The following DNAJC3 variants were observed in gnomAD, a reference collection of about 807,000 sequenced individuals.
DNAJC3 encodes the protein DnaJ heat shock protein family (Hsp40) member C3.
A neutral mutation model predicts 68.6 loss-of-function variants in DNAJC3; 38 were observed. The observed-to-expected ratio is 0.55, with a 90% CI of 0.43 to 0.73. The LOEUF is 0.73. DNAJC3 is among the 30% of genes least tolerant of loss of function. The pLI is 0.00. For synonymous variants in DNAJC3, 203 were observed against 204.0 expected (o/e 1.00, Z 0.04); for missense variants, 526 against 591.9 (o/e 0.89, Z 1.16).
At chr13:95,784,388 G>A (rs1883535942) in intron 9 of DNAJC3, among the ~76,000 whole-genome samples, 1 of 152,112 alleles carries the variant, frequency 6.6e-6, no homozygotes, top group African/African-American at 2.4e-5. Flanking sequence ...GTGAAAATCT[G>A]GAGGAAACCA....
chr13:95,793,668 T>TA lies in DNAJC3; in HGVS notation c.*2639dup, dbSNP rs1883866528. 6.6e-6 allele frequency: 1 copy of TA among 152,386 alleles called. No individual in the cohort carries two copies. Among genetic ancestry groups the TA allele is most frequent in the African/African-American group, 2.4e-5 (1 of 41,412 alleles). The allele number at this position is 152,386 out of a possible 1,614,324, so 9.4% of individuals were successfully genotyped here. A position where few individuals can be genotyped will look rare whatever the true frequency, so the allele number is the denominator to read the frequency against. Reference sequence around the variant, plus strand: ...TAGTAGAAATGGGGTTTCACTGTGTTAGCCAGGATGGTCTTGATCTCCTGA... The same window carrying TA: ...TAGTAGAAATGGGGTTTCACTGTGTTAAGCCAGGATGGTCTTGATCTCCTGA... On this transcript the variant is annotated 3_prime_UTR_variant, in exon 12 of 12. Coordinates refer to ENST00000602402, the MANE Select transcript of DNAJC3 (RefSeq NM_006260.5).
chr13:95,711,341 A>G (rs535915825), intron 2 of DNAJC3, among the ~76,000 whole-genome samples: 1 of 152,294 alleles, frequency 6.6e-6, no homozygotes, highest in Non-Finnish European at 1.5e-5. Flanking sequence ...TACTAAAAAT[A>G]TAAAAATTAG....
chr13:95,699,241 T>C (rs560976213), intron 1 of DNAJC3, among the ~76,000 whole-genome samples: 1 of 152,354 alleles, frequency 6.6e-6, no homozygotes, highest in South Asian at 2.1e-4. Flanking sequence ...TATTATCATA[T>C]AATTAAATGG....
intron 4 of DNAJC3, among the ~76,000 whole-genome samples, chr13:95,726,967 A>G (rs534808855): frequency 1.4e-4 from 21 of 152,336 alleles, no homozygotes; most frequent in African/African-American, 4.8e-4. Flanking sequence ...TCTCAATAAA[A>G]TCGGCTGTCA....
At chr13:95,679,604 A>G (rs1254116583) in intron 1 of DNAJC3, among the ~76,000 whole-genome samples, 1 of 152,188 alleles carries the variant, frequency 6.6e-6, no homozygotes, top group Non-Finnish European at 1.5e-5. Flanking sequence ...AAATGGTGCT[A>G]CTGCTAGGCC....
intron 1 of DNAJC3, 73 bp downstream of exon 1, chr13:95,677,410 G>A: frequency 6.8e-7 from 1 of 1,468,238 alleles, no homozygotes; most frequent in Non-Finnish European, 9.2e-7. Context: ...GTCTGCGCCC[G>A]GGCGCCTGTC....
intron 2 of DNAJC3, among the ~76,000 whole-genome samples, chr13:95,710,007 A>G (rs543058541): frequency 6.6e-6 from 1 of 152,212 alleles, no homozygotes; most frequent in East Asian, 1.9e-4. Flanking sequence ...GGTTTTCAAT[A>G]TGTTCACTTG....
intron 4 of DNAJC3, among the ~76,000 whole-genome samples, chr13:95,750,127 C>T (rs1028192339): frequency 8.5e-5 from 13 of 152,108 alleles, no homozygotes; most frequent in East Asian, 5.8e-4. Context: ...TCCAATCGAA[C>T]GCCTAAATGG....
At chr13:95,788,681 T>TTAAG (rs753671914) in intron 11 of DNAJC3, among the ~76,000 whole-genome samples, 1 of 152,210 alleles carries the variant, frequency 6.6e-6, no homozygotes, top group Non-Finnish European at 1.5e-5. Flanking sequence ...CACTGAATTT[T>TTAAG]TAAGTAATTA....
chr13:95,718,825 A>G (rs182117987), intron 2 of DNAJC3, among the ~76,000 whole-genome samples: 6 of 152,314 alleles, frequency 3.9e-5, no homozygotes, highest in Admixed American at 2.0e-4. Flanking sequence ...GGTCACCAAA[A>G]TGTGTGGGAA....
chr13:95,702,128 T>C (rs7983756), intron 1 of DNAJC3, among the ~76,000 whole-genome samples: 108,976 of 152,172 alleles, frequency 0.72, 40,410 homozygotes, highest in African/African-American at 0.93. Flanking sequence ...AATTAATGTA[T>C]AATGAAACGT....
intron 1 of DNAJC3, chr13:95,695,616 A>G (rs1411346740): frequency 6.6e-6 from 1 of 152,232 alleles, no homozygotes; most frequent in Non-Finnish European, 1.5e-5. Context: ...TTTTGTTACC[A>G]TCGGACAGCC....
chr13:95,677,152 C>A lies in DNAJC3; in HGVS notation c.-104C>A. On this transcript the variant is annotated 5_prime_UTR_variant, in exon 1 of 12. Coordinates refer to ENST00000602402, the MANE Select transcript of DNAJC3 (RefSeq NM_006260.5). ...CTGCTGGGCTCCAGAGCCACTGAGG[C>A]CTGAGCGAGAGCCGACGGCGGGCGG... 9.6e-7 allele frequency: 1 copy of A among 1,036,542 alleles called. No individual in the cohort carries two copies. The highest frequency in any genetic ancestry group is 2.9e-5 in the East Asian group (1 of 34,124). 64.2% of individuals were successfully genotyped at this position (1,036,542 alleles called of 1,614,324 possible). A position where few individuals can be genotyped will look rare whatever the true frequency, so the allele number is the denominator to read the frequency against.
At chr13:95,772,709 AT>A (rs1265253813) in intron 9 of DNAJC3, among the ~76,000 whole-genome samples, 6 of 152,106 alleles carry the variant, frequency 3.9e-5, no homozygotes, top group Admixed American at 6.5e-5. Context: ...ACTTAAAAAT[AT>A]TTGCTGTTTC....
At chr13:95,739,687 A>G (rs1882057947) in intron 4 of DNAJC3, among the ~76,000 whole-genome samples, 1 of 151,764 alleles carries the variant, frequency 6.6e-6, no homozygotes, top group South Asian at 2.1e-4. Flanking sequence ...ACTTCTCTGT[A>G]TTGGTTATTC....
intron 1 of DNAJC3, among the ~76,000 whole-genome samples, chr13:95,696,790 G>T (rs1051919250): frequency 3.3e-5 from 5 of 151,924 alleles, no homozygotes; most frequent in Middle Eastern, 3.4e-3. Flanking sequence ...CTGTCGCCCA[G>T]ACTGGAGTGC....
At chr13:95,761,750 T>C (rs972550163) in intron 7 of DNAJC3, among the ~76,000 whole-genome samples, 3 of 152,010 alleles carry the variant, frequency 2.0e-5, no homozygotes, top group African/African-American at 7.3e-5. Context: ...AATCATACAA[T>C]GTATAAACTT....
rs192295513 is a variant in DNAJC3, at chr13:95,779,220, G to A, written c.1076-6719G>A. ...GCTCAATGCAAGCTCCGCCTCCCGG[G>A]TTCACCCATTCTCCTGCCTCAGCCT... On this transcript the variant is annotated intron_variant, in intron 9 of 11. Coordinates refer to ENST00000602402, the MANE Select transcript of DNAJC3 (RefSeq NM_006260.5). Among the ~76,000 whole-genome samples the A allele has an allele frequency of 3.7e-3, 546 of 147,952 alleles. 3 individuals carry two copies. Among genetic ancestry groups the A allele is most frequent in the African/African-American group, 0.013 (518 of 39,738 alleles).
At chr13:95,764,675 TATATATATACAC>T (rs1478534659) in intron 9 of DNAJC3, among the ~76,000 whole-genome samples, 109 of 123,374 alleles carry the variant, frequency 8.8e-4, no homozygotes, top group African/African-American at 3.7e-3. Context: ...TATATATATA[TATATATATACAC>T]ACACACACAT....
Sources: allele counts gnomAD v4.1 joint callset (sites outside exome capture counted in the v4.1 genomes callset), GRCh38; gene constraint gnomAD v4.1.1; transcripts MANE v1.5; gene names NCBI Gene and HGNC (gene_info 2026-07-23, HGNC 2026-07-21).